Variants in CACNA1B observed in about 807,000 individuals in gnomAD.
CACNA1B encodes the protein calcium voltage-gated channel subunit alpha1 B.
Under a neutral mutation model 247.2 loss-of-function variants are expected in CACNA1B, and 70 were observed. That is an observed-to-expected ratio of 0.28 (90% CI 0.23 to 0.35). The LOEUF (loss-of-function observed/expected upper bound fraction) is 0.35, where lower values mean the gene tolerates loss of function less well. Ranked by LOEUF, CACNA1B falls within the 10% of genes least tolerant of loss-of-function variation. CACNA1B has a pLI of 1.00. For synonymous variants in CACNA1B, 1,231 were observed against 1,294.4 expected, an observed-to-expected ratio of 0.95 and a Z score of 1.05; for missense variants, 2,367 against 3,197.4, an observed-to-expected ratio of 0.74 and a Z score of 6.26.
At chr9:138,048,335 G>T (rs186592638) in intron 23 of CACNA1B, among the ~76,000 whole-genome samples, 1 of 152,170 alleles carries the variant, frequency 6.6e-6, no homozygotes, top group African/African-American at 2.4e-5. Flanking sequence ...GGATCTGGGC[G>T]AGCTCTGAGC....
chr9:137,939,855 A>G (rs1016696605), intron 6 of CACNA1B, among the ~76,000 whole-genome samples: 5 of 145,714 alleles, frequency 3.4e-5, no homozygotes, highest in Admixed American at 6.8e-5. Flanking sequence ...AATAAAAAAA[A>G]ATAAAATTCT....
chr9:138,114,734 A>G (rs1961794887), intron 41 of CACNA1B, among the ~76,000 whole-genome samples: 1 of 152,176 alleles, frequency 6.6e-6, no homozygotes, highest in Admixed American at 6.5e-5. Context: ...ACTCAGGGCC[A>G]GAAGTTGAGG....
Position 138,121,414 on chromosome 9 carries a change from C to A in CACNA1B, c.6490-55C>A. ...GTGTGATGTGCTCTGTCTGTTGGTT[C>A]GGCTTTTTTTTTTTTTTTTTTACCT... On this transcript the variant is annotated intron_variant, in intron 46 of 46. Transcript: ENST00000371372. This position sits in a 1 kb window ranked among gnomAD's most constrained non-coding sequence, Gnocchi z 6.8. 2.7e-6 allele frequency: 3 copies of A among 1,117,640 alleles called. No individual in the cohort carries two copies. Among genetic ancestry groups the A allele is most frequent in the South Asian group, 1.6e-5 (1 of 62,052 alleles). The allele number at this position is 1,117,640 out of a possible 1,614,324, so 69.2% of individuals were successfully genotyped here.
rs1957208651 is a variant in CACNA1B at position 137,899,542 on chromosome 9, T to C, written c.531-13638T>C. ...CCTAGCTCTTCTTCTCCCCTGTCCTTGCTTTGGAGCAGGCTAGGTGGCTCC... is the reference window on the plus strand; with the variant it reads ...CCTAGCTCTTCTTCTCCCCTGTCCTCGCTTTGGAGCAGGCTAGGTGGCTCC... On this transcript the variant is annotated intron_variant, in intron 3 of 46. Coordinates refer to ENST00000371372, the MANE Select transcript of CACNA1B (RefSeq NM_000718.4). The surrounding 1 kb of genome is among the most constrained non-coding windows in gnomAD (Gnocchi z 5.0). Among the ~76,000 whole-genome samples, 1 of 152,186 alleles carries C rather than the reference T, an allele frequency of 6.6e-6. No individual in the cohort carries two copies. Among genetic ancestry groups the C allele is most frequent in the Non-Finnish European group, 1.5e-5 (1 of 68,026 alleles).
At chr9:137,996,128 C>T (rs1958497771) in intron 15 of CACNA1B, among the ~76,000 whole-genome samples, 1 of 152,142 alleles carries the variant, frequency 6.6e-6, no homozygotes, top group African/African-American at 2.4e-5. Flanking sequence ...GTATATCTAC[C>T]ACCATTTGAT....
At chr9:138,074,326 T>C (rs375147867) in intron 34 of CACNA1B, among the ~76,000 whole-genome samples, 5 of 151,926 alleles carry the variant, frequency 3.3e-5, no homozygotes, top group Non-Finnish European at 5.9e-5. Context: ...CTGCAACCTC[T>C]GCCTGCTAGG....
In CACNA1B at chr9:138,121,230, G is replaced by A. The variant is rs1385237700; in HGVS notation, c.6490-239G>A. Among the ~76,000 whole-genome samples the A allele has an allele frequency of 6.6e-6, 1 of 152,004 alleles. No homozygotes were observed. On this transcript the variant is annotated intron_variant, in intron 46 of 46. Coordinates refer to ENST00000371372, the MANE Select transcript of CACNA1B (RefSeq NM_000718.4). This position sits in a 1 kb window ranked among gnomAD's most constrained non-coding sequence, Gnocchi z 6.8. ...TGTTCTGTCCTTTTCCCTGGCCCCA[G>A]CCTGTCCCTTCCCATCACCTGCTCT...
chr9:138,114,288 G>T, intron 40 of CACNA1B, 90 bp from the exon 41 acceptor site: 1 of 685,388 alleles, frequency 1.5e-6, no homozygotes. Context: ...GCGAGGGAGG[G>T]GCGGCTGTTT....
intron 36 of CACNA1B, among the ~76,000 whole-genome samples, chr9:138,091,368 G>A (rs1960873341): frequency 6.6e-6 from 1 of 152,150 alleles, no homozygotes; most frequent in South Asian, 2.1e-4. Context: ...GTGGAATAGT[G>A]GTTACTAGAG....
chr9:137,933,080 G>A (rs915838132), intron 6 of CACNA1B, among the ~76,000 whole-genome samples: 1 of 152,076 alleles, frequency 6.6e-6, no homozygotes, highest in Admixed American at 6.6e-5. Flanking sequence ...CTACAGGCGC[G>A]TGCCACCACG....
In CACNA1B at chr9:137,986,458, C is replaced by T. The variant is rs200729849; in HGVS notation, c.1815C>T (p.Ser605=). 8.1e-6 allele frequency: 13 copies of T among 1,613,894 alleles called. No individual in the cohort carries two copies. The highest frequency in any genetic ancestry group is 1.1e-5 in the Non-Finnish European group (13 of 1,179,822). The change falls in exon 14 of 47, where the codon TCC becomes TCT. Residue 605 remains serine, a synonymous_variant. Coordinates refer to ENST00000371372, the MANE Select transcript of CACNA1B (RefSeq NM_000718.4). This position sits in a 1 kb window ranked among gnomAD's most constrained non-coding sequence, Gnocchi z 6.0. Reference sequence around the variant, plus strand: ...ACCTGGTGGTGTCCCTGCTGAACTCCATGAAGTCCATCATCAGCCTGCTCT... The same window carrying T: ...ACCTGGTGGTGTCCCTGCTGAACTCTATGAAGTCCATCATCAGCCTGCTCT... The part of the protein sequence containing the change: ...LRNLVVSLLN[S]MKSIISLLFL...
Position 138,112,411 on chromosome 9 carries a change from G to T in CACNA1B, c.5442G>T (p.Gln1814His). Reference sequence around the variant, plus strand: ...ATCCTGGTGCAGCTGGGACAAAGCAGCATCAGTGTGACGCGGAGTTGAGGA... The same window carrying T: ...ATCCTGGTGCAGCTGGGACAAAGCATCATCAGTGTGACGCGGAGTTGAGGA... ...EIKLAPAGTKQHQCDAELRKE... is the reference protein window; with the variant it reads ...EIKLAPAGTKHHQCDAELRKE... Residue 1814 changes from glutamine to histidine, a missense_variant, in exon 40 of 47, where the codon CAG becomes CAT. Transcript: ENST00000371372. The T allele has an allele frequency of 3.1e-6, 5 of 1,612,818 alleles. No homozygotes were observed. The highest frequency in any genetic ancestry group is 4.2e-6 in the Non-Finnish European group (5 of 1,178,814).
chr9:138,083,807 A>G (rs1960606177), intron 36 of CACNA1B, among the ~76,000 whole-genome samples: 1 of 149,968 alleles, frequency 6.7e-6, no homozygotes, highest in Non-Finnish European at 1.5e-5. Flanking sequence ...CCAGGGCTCA[A>G]ATGAGAGCGG....
Position 137,960,052 on chromosome 9 carries a change from CG to C in CACNA1B, c.1333+2369del, listed in dbSNP as rs545201894. 3.4e-3 allele frequency among the ~76,000 whole-genome samples: 499 copies of C among 146,222 alleles called. 4 individuals are homozygous for C. Among genetic ancestry groups the C allele is most frequent in the African/African-American group, 0.012 (481 of 39,366 alleles). ...GGAAGTGAGGACGCCTGAGGGACGC[CG>C]GGGCGGGGGAGAGGGGAGGTTGGCC... On this transcript the variant is annotated intron_variant, in intron 10 of 46. Transcript: ENST00000371372.
chr9:137,969,331 G>A (rs976629740), intron 10 of CACNA1B, among the ~76,000 whole-genome samples: 18 of 152,314 alleles, frequency 1.2e-4, no homozygotes, highest in African/African-American at 3.8e-4. Flanking sequence ...GTGCAAATAC[G>A]GCTGTTGGCA....
chr9:137,988,156 G>C (rs1958388882), intron 15 of CACNA1B, among the ~76,000 whole-genome samples: 1 of 152,216 alleles, frequency 6.6e-6, no homozygotes, highest in African/African-American at 2.4e-5. Context: ...GTCAGCCTCT[G>C]GGACAGAGGT....
chr9:137,996,421 A>C (rs1262022136), intron 15 of CACNA1B, among the ~76,000 whole-genome samples: 1 of 152,236 alleles, frequency 6.6e-6, no homozygotes, highest in African/African-American at 2.4e-5. Context: ...ATGGAAACCC[A>C]AACATTGTGT....
intron 12 of CACNA1B, 125 bp from the exon 13 acceptor site, chr9:137,984,013 T>C: frequency 1.4e-6 from 1 of 707,726 alleles, no homozygotes; most frequent in Admixed American, 2.1e-5. Flanking sequence ...CTGGCTTGAT[T>C]GTCAGACAAG....
Position 138,057,773 on chromosome 9 carries a change from A to C in CACNA1B, c.4010A>C (p.Gln1337Pro). Residue 1337 changes from glutamine (Q) to proline (P), a missense_variant, in exon 27 of 47, where the codon CAG becomes CCG. By Grantham distance (76) the Gln-to-Pro change is moderately conservative (BLOSUM62 -1). This residue lies in a region of CACNA1B where 436 missense variants were observed against 679.5 expected (regional missense o/e 0.64). Coordinates refer to ENST00000371372, the MANE Select transcript of CACNA1B (RefSeq NM_000718.4). This position sits in a 1 kb window ranked among gnomAD's most constrained non-coding sequence, Gnocchi z 4.0. ...TATGAGAAGGAGGAAGTGGAAGCTC[A>C]GCCCAGGCAGTGGAAGAAATACGAC... ...LDYEKEEVEA[Q>P]PRQWKKYDFH... The C allele has an allele frequency of 6.2e-7, 1 of 1,612,784 alleles. No individual in the cohort carries two copies. Among genetic ancestry groups the C allele is most frequent in the Non-Finnish European group, 8.5e-7 (1 of 1,179,270 alleles).
Sources: gnomAD v4.1 joint callset for allele counts (sites outside exome capture counted in the v4.1 genomes callset) on GRCh38, gnomAD v4.1.1 for gene constraint, gnomAD v4.1.1 regional missense constraint, Gnocchi (gnomAD v3.1) non-coding constraint, MANE v1.5 for transcripts, NCBI Gene and HGNC (gene_info 2026-07-23, HGNC 2026-07-21) for gene names.